The following GRM8 variants were observed in gnomAD, a reference collection of about 807,000 sequenced individuals.
GRM8 encodes metabotropic glutamate receptor 8.
Under a neutral mutation model 87.2 loss-of-function variants are expected in GRM8, and 47 were observed. The observed-to-expected ratio is 0.54, with a 90% confidence interval of 0.43 to 0.69. The LOEUF (loss-of-function observed/expected upper bound fraction) is 0.69. GRM8 is among the 30% of genes least tolerant of loss of function. The pLI, the probability that GRM8 is intolerant of heterozygous loss-of-function variation, is 0.00. For synonymous variants in GRM8, 396 were observed against 404.5 expected, an observed-to-expected ratio of 0.98 and a Z score of 0.25; for missense variants, 1,019 against 1,139.2, an observed-to-expected ratio of 0.89 and a Z score of 1.52.
chr7:126,739,780 A>G (rs964947901), intron 7 of GRM8, among the ~76,000 whole-genome samples: 3 of 152,244 alleles, frequency 2.0e-5, no homozygotes, highest in South Asian at 2.1e-4. Context: ...CTACATATAC[A>G]TAATACTGAA....
At chr7:127,062,296 A>G (rs966645638) in intron 3 of GRM8, among the ~76,000 whole-genome samples, 1 of 152,246 alleles carries the variant, frequency 6.6e-6, no homozygotes, top group South Asian at 2.1e-4. Flanking sequence ...GGAAACAAAC[A>G]TGACTAAAAA....
chr7:126,691,848 C>G (rs909288223), intron 7 of GRM8, among the ~76,000 whole-genome samples: 1 of 152,200 alleles, frequency 6.6e-6, no homozygotes, highest in Non-Finnish European at 1.5e-5. Flanking sequence ...GACAGATCTG[C>G]TCACTCAAGG....
At chr7:126,905,245 C>T (rs750596880) in intron 3 of GRM8, among the ~76,000 whole-genome samples, 25 of 152,138 alleles carry the variant, frequency 1.6e-4, no homozygotes, top group Non-Finnish European at 5.9e-5. Flanking sequence ...CCCAAAGATG[C>T]CAACTTTGGA....
chr7:126,454,246 T>C (rs1167373116), intron 9 of GRM8, among the ~76,000 whole-genome samples: 2 of 151,736 alleles, frequency 1.3e-5, no homozygotes, highest in African/African-American at 2.4e-5. Context: ...AGAGAAAATA[T>C]GTTGAATCCT....
In GRM8 at chr7:126,439,143, G is replaced by T; in HGVS notation, c.2703C>A (p.Ile901=). ...TNTSSTKTTY[I]SYSNHSI is the part of the protein sequence containing the mutation. ...TTCAGATTGAATGATTGCTGTAACTGATATATGTTGTCTTGGTAGAGGAAG... is the reference window on the plus strand; with the variant it reads ...TTCAGATTGAATGATTGCTGTAACTTATATATGTTGTCTTGGTAGAGGAAG... Residue 901 remains isoleucine (I), a synonymous_variant, in exon 11 of 11, where the codon ATC becomes ATA. Transcript: ENST00000339582. 6.4e-7 allele frequency: 1 copy of T among 1,568,702 alleles called. No homozygotes were observed. Among genetic ancestry groups the T allele is most frequent in the Non-Finnish European group, 8.8e-7 (1 of 1,139,020 alleles).
intron 8 of GRM8, among the ~76,000 whole-genome samples, chr7:126,546,728 C>G (rs1817202747): frequency 6.6e-6 from 1 of 152,194 alleles, no homozygotes; most frequent in Non-Finnish European, 1.5e-5. Context: ...ATGCTACATC[C>G]TAGTGATTCC....
At chr7:126,830,598 A>G (rs769104956) in intron 6 of GRM8, among the ~76,000 whole-genome samples, 2 of 152,092 alleles carry the variant, frequency 1.3e-5, no homozygotes, top group African/African-American at 2.4e-5. Flanking sequence ...CTAGTTATGC[A>G]TTCGTCTTAA....
intron 2 of GRM8, among the ~76,000 whole-genome samples, chr7:127,177,985 T>C (rs1433204592): frequency 2.0e-5 from 3 of 152,114 alleles, no homozygotes; most frequent in Non-Finnish European, 1.5e-5. Context: ...CAGCAATGGA[T>C]CCAAACCAAG....
chr7:126,925,022 G>A (rs942423943), intron 3 of GRM8, among the ~76,000 whole-genome samples: 1 of 151,760 alleles, frequency 6.6e-6, no homozygotes, highest in Non-Finnish European at 1.5e-5. Flanking sequence ...AGGGAAGGAA[G>A]ATGGTGGTTA....
intron 9 of GRM8, among the ~76,000 whole-genome samples, chr7:126,469,819 T>C (rs1189640074): frequency 1.3e-5 from 2 of 152,124 alleles, no homozygotes; most frequent in Non-Finnish European, 2.9e-5. Context: ...TTGGTACTGG[T>C]AGAGTGTGGT....
intron 9 of GRM8, among the ~76,000 whole-genome samples, chr7:126,508,590 T>A (rs887222794): frequency 2.0e-5 from 3 of 152,072 alleles, no homozygotes; most frequent in African/African-American, 7.2e-5. Context: ...TTTAGTGCAG[T>A]AAAATTATTT....
chr7:127,201,805 GC>G (rs1795625868), intron 2 of GRM8, among the ~76,000 whole-genome samples: 1 of 152,116 alleles, frequency 6.6e-6, no homozygotes, highest in Non-Finnish European at 1.5e-5. Context: ...TCTGTGGATG[GC>G]CCAAATCATG....
At chr7:126,699,629 A>G (rs1037810573) in intron 7 of GRM8, among the ~76,000 whole-genome samples, 1 of 151,998 alleles carries the variant, frequency 6.6e-6, no homozygotes, top group South Asian at 2.1e-4. Flanking sequence ...ATGTTTCTGC[A>G]TCTTTACTTT....
At chr7:126,572,709 G>A (rs116965302) in intron 8 of GRM8, among the ~76,000 whole-genome samples, 4,815 of 152,224 alleles carry the variant, frequency 0.032, 106 homozygotes, top group Non-Finnish European at 0.05. Flanking sequence ...CTCCAAACAT[G>A]CAGAAGTAAA....
At chr7:126,972,895 G>A (rs929774918) in intron 3 of GRM8, among the ~76,000 whole-genome samples, 2 of 152,012 alleles carry the variant, frequency 1.3e-5, no homozygotes, top group African/African-American at 2.4e-5. Context: ...CTGCCTACTG[G>A]GAACTATAAT....
At chr7:127,200,192 T>C (rs183758931) in intron 2 of GRM8, among the ~76,000 whole-genome samples, 2 of 152,288 alleles carry the variant, frequency 1.3e-5, no homozygotes, top group East Asian at 3.9e-4. Context: ...TCTATGTAAG[T>C]TCACCTGTTT....
In GRM8 at chr7:126,881,649, A is replaced by G. The variant is rs138243058; in HGVS notation, c.1156+20893T>C. ...CTCTGTAGCCTTCTGGAGGATGGCA[A>G]TTTCTGAGATATCCCACATTTGGAG... On this transcript the variant is annotated intron_variant, in intron 6 of 10. Coordinates refer to ENST00000339582, the MANE Select transcript of GRM8 (RefSeq NM_000845.3). Among the ~76,000 whole-genome samples, 379 of 152,268 alleles carry G rather than the reference A, an allele frequency of 2.5e-3. 1 individual carries two copies. Among genetic ancestry groups the G allele is most frequent in the African/African-American group, 8.6e-3 (357 of 41,558 alleles).
intron 8 of GRM8, among the ~76,000 whole-genome samples, chr7:126,544,406 G>A (rs558889177): frequency 3.5e-4 from 54 of 152,160 alleles, no homozygotes; most frequent in East Asian, 9.7e-4. Flanking sequence ...TATGTCATCC[G>A]CAGCTTCAGA....
intron 3 of GRM8, among the ~76,000 whole-genome samples, chr7:127,026,220 T>G (rs1486872945): frequency 6.6e-6 from 1 of 152,210 alleles, no homozygotes; most frequent in Non-Finnish European, 1.5e-5. Flanking sequence ...GGTGTATATG[T>G]GCCACATTTT....
Sources: allele counts gnomAD v4.1 joint callset (sites outside exome capture counted in the v4.1 genomes callset), GRCh38; gene constraint gnomAD v4.1.1; transcripts MANE v1.5; gene names NCBI Gene and HGNC (gene_info 2026-07-23, HGNC 2026-07-21).